Variants in QKI observed in about 807,000 individuals in gnomAD.
QKI encodes the protein QKI, KH domain containing RNA binding, also known as KH domain-containing RNA-binding protein QKI.
A neutral mutation model predicts 39.0 loss-of-function variants in QKI; 10 were observed. That is an observed-to-expected ratio of 0.26 (90% confidence interval 0.16 to 0.43). The LOEUF is 0.43. QKI is among the 20% of genes least tolerant of loss of function. The pLI, the probability that QKI is intolerant of heterozygous loss-of-function variation, is 1.00. For missense variants in QKI, 218 were observed against 428.0 expected (o/e 0.51, Z 4.33); for synonymous variants, 204 against 155.4 (o/e 1.31, Z -2.33).
intron 2 of QKI, among the ~76,000 whole-genome samples, chr6:163,471,369 A>G (rs941653106): frequency 1.3e-5 from 2 of 152,198 alleles, no homozygotes; most frequent in African/African-American, 2.4e-5. Flanking sequence ...GATTATTTGA[A>G]AAGTTGAAGA....
intron 1 of QKI, among the ~76,000 whole-genome samples, chr6:163,416,803 T>G (rs1787544465): frequency 1.3e-5 from 2 of 152,208 alleles, no homozygotes; most frequent in Non-Finnish European, 2.9e-5. Flanking sequence ...AGCAAATCTG[T>G]TAATTTCAAG....
rs1366330991 is a variant in QKI at position 163,424,669 on chromosome 6, A to C, written c.142+9334A>C. Among the ~76,000 whole-genome samples the C allele has an allele frequency of 2.7e-5, 4 of 148,012 alleles. No individual in the cohort carries two copies. In the East Asian group the frequency reaches 7.9e-4, roughly 29 times the overall value. On this transcript the variant is annotated intron_variant, in intron 1 of 7. Transcript: ENST00000361752. ...TTTTTTTTTTTTTTAATTTTGTGTG[A>C]GTCTTTCTCTGTTGCCAAAGCACTG... is the stretch of plus-strand genomic sequence containing the variant.
intron 2 of QKI, among the ~76,000 whole-genome samples, chr6:163,468,837 G>GATT (rs1440381650): frequency 1.3e-5 from 2 of 152,048 alleles, no homozygotes; most frequent in Admixed American, 6.5e-5. Context: ...AACACAGAAT[G>GATT]AATTTTAATG....
chr6:163,553,066 A>T (rs1252459654), intron 4 of QKI, among the ~76,000 whole-genome samples: 6 of 2,166 alleles, frequency 2.8e-3, no homozygotes, highest in East Asian at 0.12. Flanking sequence ...TTTAATTTTT[A>T]TTTATTTATT....
intron 3 of QKI, among the ~76,000 whole-genome samples, chr6:163,526,087 G>A (rs983178862): frequency 6.6e-6 from 1 of 152,098 alleles, no homozygotes; most frequent in Non-Finnish European, 1.5e-5. Flanking sequence ...CATACTTCTT[G>A]AAACTTTTTA....
chr6:163,565,216 G>GT (rs1783283997), intron 6 of QKI: 3 of 988,722 alleles, frequency 3.0e-6, no homozygotes, highest in South Asian at 4.6e-5. Flanking sequence ...TAACCTTGTT[G>GT]TTTAAGTTTT....
chr6:163,475,170 TTAAAG>T (rs1239140033), intron 2 of QKI, among the ~76,000 whole-genome samples: 4 of 152,142 alleles, frequency 2.6e-5, no homozygotes, highest in East Asian at 1.9e-4. Flanking sequence ...CAGTATGATG[TTAAAG>T]TAAAGATAAA....
chr6:163,501,750 A>T (rs1778777230), intron 3 of QKI, among the ~76,000 whole-genome samples: 1 of 152,234 alleles, frequency 6.6e-6, no homozygotes, highest in Admixed American at 6.5e-5. Flanking sequence ...GCTGTTAATT[A>T]CGTACTTTAT....
intron 1 of QKI, among the ~76,000 whole-genome samples, chr6:163,419,576 C>G (rs1392931469): frequency 6.6e-6 from 1 of 152,110 alleles, no homozygotes; most frequent in Non-Finnish European, 1.5e-5. Context: ...TCACTTCTTT[C>G]CATTATCTTT....
intron 3 of QKI, among the ~76,000 whole-genome samples, chr6:163,530,717 C>T (rs118094180): frequency 3.3e-5 from 5 of 152,104 alleles, no homozygotes; most frequent in Admixed American, 1.3e-4. Flanking sequence ...ATGTGGAAAA[C>T]GGGTTGGTCG....
At chr6:163,566,383 A>G in intron 6 of QKI, 1 of 1,211,580 alleles carries the variant, frequency 8.3e-7, no homozygotes, top group South Asian at 1.9e-5. Context: ...TTATTTAAGT[A>G]GTCCTGCTGC....
chr6:163,555,509 C>T (rs1233204387), intron 4 of QKI, among the ~76,000 whole-genome samples: 1 of 79,392 alleles, frequency 1.3e-5, no homozygotes, highest in African/African-American at 5.3e-5. Context: ...AACTCCAGCT[C>T]AAAAAAAAAA....
rs1199924996 is a variant in QKI, at chr6:163,432,594, T to C, written c.142+17259T>C. Among the ~76,000 whole-genome samples the C allele has an allele frequency of 2.0e-5, 3 of 152,012 alleles. No individual in the cohort carries two copies. In the South Asian group the frequency reaches 6.2e-4, roughly 32 times the overall value. ...ATTTTTTTTTTGGTAAGAGACAGGGTCTCACGATATTGCCCAGCCTGGTCT... is the reference window on the plus strand; with the variant it reads ...ATTTTTTTTTTGGTAAGAGACAGGGCCTCACGATATTGCCCAGCCTGGTCT... On this transcript the variant is annotated intron_variant, in intron 1 of 7. Coordinates refer to ENST00000361752, the MANE Select transcript of QKI (RefSeq NM_006775.3).
rs538979434 is a variant in QKI at position 163,485,211 on chromosome 6, A to T, written c.402+6315A>T. Among the ~76,000 whole-genome samples the T allele has an allele frequency of 2.0e-5, 3 of 152,350 alleles. No individual in the cohort carries two copies. The South Asian group carries it at 6.2e-4, about 32-fold the overall frequency. On this transcript the variant is annotated intron_variant, in intron 3 of 7. Transcript: ENST00000361752. ...AGTAATTTTAGATGAGATCGGGTGCATTCAGTATGGTATGGTGTAGACTAG... is the reference window on the plus strand; with the variant it reads ...AGTAATTTTAGATGAGATCGGGTGCTTTCAGTATGGTATGGTGTAGACTAG...
chr6:163,515,700 G>A (rs576593883), intron 3 of QKI, among the ~76,000 whole-genome samples: 2 of 152,152 alleles, frequency 1.3e-5, no homozygotes, highest in South Asian at 2.1e-4. Flanking sequence ...TAATGATATG[G>A]CGATAGGTCA....
At chr6:163,557,818 TAAA>T in intron 4 of QKI, among the ~76,000 whole-genome samples, 1 of 142,466 alleles carries the variant, frequency 7.0e-6, no homozygotes, top group African/African-American at 2.5e-5. Context: ...CACAAAAACT[TAAA>T]AAAAAAAAAA....
chr6:163,564,716 T>C, intron 6 of QKI: 3 of 1,614,126 alleles, frequency 1.9e-6, no homozygotes, highest in Non-Finnish European at 2.5e-6. Context: ...ATTGACTTGC[T>C]GGATGAAGGA....
intron 2 of QKI, among the ~76,000 whole-genome samples, chr6:163,471,240 C>G (rs964121512): frequency 5.3e-5 from 8 of 152,062 alleles, no homozygotes; most frequent in African/African-American, 1.9e-4. Context: ...TATAAAGAAT[C>G]TTTAAGGTGC....
intron 3 of QKI, among the ~76,000 whole-genome samples, chr6:163,517,921 G>A (rs866345060): frequency 9.9e-5 from 15 of 152,232 alleles, no homozygotes; most frequent in Middle Eastern, 3.4e-3. Flanking sequence ...GGTAAATCTG[G>A]TAACCTGGTC....
Sources: allele counts gnomAD v4.1 joint callset (sites outside exome capture counted in the v4.1 genomes callset), GRCh38; gene constraint gnomAD v4.1.1; transcripts MANE v1.5; gene names NCBI Gene and HGNC (gene_info 2026-07-23, HGNC 2026-07-21).